PKHD1: variants seen among roughly 807,000 people sequenced by gnomAD.
PKHD1 encodes the protein fibrocystin.
Under a neutral mutation model 412.0 loss-of-function variants are expected in PKHD1, and 291 were observed. The ratio of observed to expected loss-of-function variants is 0.71; its 90% CI spans 0.64 to 0.78. The LOEUF (loss-of-function observed/expected upper bound fraction) is 0.78, where lower values mean the gene tolerates loss of function less well. PKHD1 is among the 30% of genes least tolerant of loss of function. The pLI, the probability that PKHD1 is intolerant of heterozygous loss-of-function variation, is 0.00. For synonymous variants in PKHD1, 1,777 were observed against 1,821.5 expected (o/e 0.98, Z 0.62); for missense variants, 4,825 against 4,950.7 (o/e 0.97, Z 0.76).
In PKHD1 at chr6:52,033,090, A is replaced by G. The variant is rs772723406; in HGVS notation, c.3304T>C (p.Tyr1102His). 1 of 1,610,724 alleles carries G rather than the reference A, an allele frequency of 6.2e-7. No homozygotes were observed. Among genetic ancestry groups the G allele is most frequent in the Non-Finnish European group, 8.5e-7 (1 of 1,176,932 alleles). ...YSAVLPRAFTYVSSLNPVIVT... is the reference protein window; with the variant it reads ...YSAVLPRAFTHVSSLNPVIVT... ...ATAACTGGATTTAAGGAAGAGACAT[A>G]TGTAAATGCTCTGGGAAGAACTGCA... Residue 1102 changes from tyrosine to histidine, a missense_variant, in exon 29 of 67, where the codon TAT becomes CAT. Coordinates refer to ENST00000371117, the MANE Select transcript of PKHD1 (RefSeq NM_138694.4).
intron 37 of PKHD1, among the ~76,000 whole-genome samples, chr6:51,930,964 G>A (rs1180530014): frequency 6.6e-6 from 1 of 152,196 alleles, no homozygotes; most frequent in Non-Finnish European, 1.5e-5. Context: ...GATGAAAAGA[G>A]ATAGACAAGA....
chr6:52,062,603 TCA>T lies in PKHD1; in HGVS notation c.1032_1033del (p.Glu345SerfsTer12), dbSNP rs1446729264. 1.2e-6 allele frequency: 2 copies of T among 1,614,078 alleles called. No homozygotes were observed. Among genetic ancestry groups the T allele is most frequent in the Admixed American group, 3.3e-5 (2 of 60,016 alleles). ...CTGCCACCTGTACCCTGGGGTGGCT[TCA>T]GTCAGTTCCAGTCCCTCAACAGCAT... On this transcript the variant is annotated frameshift_variant, in exon 14 of 67. Coordinates refer to ENST00000371117, the MANE Select transcript of PKHD1 (RefSeq NM_138694.4). LOFTEE classifies it high-confidence loss of function.
intron 35 of PKHD1, among the ~76,000 whole-genome samples, chr6:51,963,656 A>AG (rs1792392257): frequency 6.6e-6 from 1 of 152,058 alleles, no homozygotes; most frequent in Non-Finnish European, 1.5e-5. Flanking sequence ...GAAATGCTCC[A>AG]TGAAACAGTG....
chr6:51,864,947 T>C (rs1774811395), intron 48 of PKHD1, among the ~76,000 whole-genome samples: 1 of 152,150 alleles, frequency 6.6e-6, no homozygotes, highest in South Asian at 2.1e-4. Flanking sequence ...AAAAAAATGT[T>C]TACCTAAAGT....
At chr6:51,811,072 T>C (rs1764612443) in intron 52 of PKHD1, among the ~76,000 whole-genome samples, 2 of 152,318 alleles carry the variant, frequency 1.3e-5, no homozygotes, top group South Asian at 4.1e-4. Flanking sequence ...GTGCCACCTT[T>C]ATCTAATTAT....
At chr6:51,654,211 A>G (rs1316284080) in intron 61 of PKHD1, among the ~76,000 whole-genome samples, 2 of 152,268 alleles carry the variant, frequency 1.3e-5, no homozygotes, top group Admixed American at 1.3e-4. Context: ...TAAATTTTAT[A>G]AAGATTAACA....
At chr6:51,795,657 T>C (rs1229856467) in intron 52 of PKHD1, among the ~76,000 whole-genome samples, 1 of 152,272 alleles carries the variant, frequency 6.6e-6, no homozygotes, top group Non-Finnish European at 1.5e-5. Flanking sequence ...GAATATTGGC[T>C]ATGAGTTTGT....
chr6:51,898,911 T>C (rs1780668373), intron 43 of PKHD1, among the ~76,000 whole-genome samples: 1 of 151,824 alleles, frequency 6.6e-6, no homozygotes, highest in Non-Finnish European at 1.5e-5. Flanking sequence ...AACTAGAAAA[T>C]TTAGAAGAAA....
Position 52,017,420 on chromosome 6 carries a change from G to T in PKHD1, c.5590C>A (p.Leu1864Ile). 1 of 1,610,400 alleles carries T rather than the reference G, an allele frequency of 6.2e-7. No homozygotes were observed. The highest frequency in any genetic ancestry group is 8.5e-7 in the Non-Finnish European group (1 of 1,176,558). ...AESMFPSFSG[L>I]FISPKLERDE... The stretch of plus-strand genomic sequence containing the variant: ...AGAAGGTAAAGTTACCTGATAAAGA[G>T]GCCCGAGAATGATGGAAACATTGAC... Residue 1864 changes from leucine to isoleucine, a missense_variant, in exon 34 of 67, where the codon CTC (leucine) becomes ATC (isoleucine). By Grantham distance (5) the Leu-to-Ile change is conservative (BLOSUM62 2). Transcript: ENST00000371117.
At chr6:51,705,345 T>C (rs1484434319) in intron 60 of PKHD1, among the ~76,000 whole-genome samples, 2 of 152,080 alleles carry the variant, frequency 1.3e-5, no homozygotes, top group Admixed American at 1.3e-4. Flanking sequence ...CCAGTGCAAT[T>C]TCAGTGAAGT....
intron 63 of PKHD1, among the ~76,000 whole-genome samples, chr6:51,647,387 AC>A (rs1770235304): frequency 6.6e-6 from 1 of 152,142 alleles, no homozygotes. Context: ...ATGTTGCCAA[AC>A]TATCTTGGGC....
chr6:51,826,551 G>C (rs1373144127), intron 52 of PKHD1, among the ~76,000 whole-genome samples: 1 of 152,190 alleles, frequency 6.6e-6, no homozygotes, highest in Non-Finnish European at 1.5e-5. Flanking sequence ...CTTTATGAAG[G>C]TTTGAGATTT....
intron 35 of PKHD1, among the ~76,000 whole-genome samples, chr6:51,991,938 A>C (rs1797086611): frequency 6.6e-6 from 1 of 152,240 alleles, no homozygotes; most frequent in Non-Finnish European, 1.5e-5. Context: ...TACTGAAATT[A>C]GGAGTTACTA....
intron 35 of PKHD1, among the ~76,000 whole-genome samples, chr6:52,005,312 G>A (rs1798913480): frequency 6.6e-6 from 1 of 152,102 alleles, no homozygotes; most frequent in African/African-American, 2.4e-5. Context: ...ATCAGTCACT[G>A]ACTCCTTGGG....
At chr6:51,961,294 C>G (rs558375311) in intron 35 of PKHD1, among the ~76,000 whole-genome samples, 1 of 152,216 alleles carries the variant, frequency 6.6e-6, no homozygotes, top group East Asian at 1.9e-4. Flanking sequence ...ATACAAACCC[C>G]AAGGTCAACA....
intron 2 of PKHD1, 53 bp downstream of exon 2, chr6:52,084,829 A>G (rs1308394410): frequency 4.6e-6 from 5 of 1,084,030 alleles, no homozygotes; most frequent in Non-Finnish European, 7.2e-6. Flanking sequence ...ATAGTTCTCA[A>G]GGTAACCTAT....
intron 52 of PKHD1, among the ~76,000 whole-genome samples, chr6:51,795,597 T>A (rs1794474329): frequency 6.6e-6 from 1 of 152,230 alleles, no homozygotes; most frequent in South Asian, 2.1e-4. Flanking sequence ...GGCATCCTTG[T>A]CTTGTGACAG....
chr6:51,891,855 AC>A (rs1779176574), intron 43 of PKHD1, among the ~76,000 whole-genome samples: 1 of 151,952 alleles, frequency 6.6e-6, no homozygotes, highest in Non-Finnish European at 1.5e-5. Flanking sequence ...CAATGCCTCA[AC>A]CCCTGGAGGC....
intron 60 of PKHD1, among the ~76,000 whole-genome samples, chr6:51,679,129 T>G (rs1362443136): frequency 6.6e-6 from 1 of 152,104 alleles, no homozygotes; most frequent in East Asian, 1.9e-4. Context: ...ATGTGACCAT[T>G]TCCTGTGTCA....
Sources: allele counts gnomAD v4.1 joint callset (sites outside exome capture counted in the v4.1 genomes callset), GRCh38; gene constraint gnomAD v4.1.1; transcripts MANE v1.5; gene names NCBI Gene and HGNC (gene_info 2026-07-23, HGNC 2026-07-21).